BORCS5: variants seen among roughly 807,000 people sequenced by gnomAD.
BORCS5 encodes BLOC-1-related complex subunit 5.
In BORCS5, 17 loss-of-function variants were observed where a neutral mutation model predicts 22.1. That is an observed-to-expected ratio of 0.77 (90% CI 0.53 to 1.15). BORCS5 has a LOEUF of 1.15. Among genes scored for constraint, BORCS5 ranks in the 50% most tolerant of loss-of-function variants. The pLI is 0.00. For synonymous variants in BORCS5, 117 were observed against 99.8 expected (o/e 1.17, Z -1.03); for missense variants, 247 against 253.2 (o/e 0.98, Z 0.17).
intron 3 of BORCS5, among the ~76,000 whole-genome samples, chr12:12,438,371 A>AAAAAACAAAAAAAAAAAAC (rs1942602954): frequency 1.7e-5 from 2 of 117,054 alleles, no homozygotes; most frequent in African/African-American, 9.0e-5. Context: ...AAAAAAAAAA[A>AAAAAACAAAAAAAAAAAAC]AAAAAAAAAC....
intron 2 of BORCS5, among the ~76,000 whole-genome samples, chr12:12,361,907 A>G (rs1863294592): frequency 6.6e-6 from 1 of 152,156 alleles, no homozygotes; most frequent in Non-Finnish European, 1.5e-5. Flanking sequence ...ATTAGCATAT[A>G]CTGTGGTAGT....
intron 2 of BORCS5, among the ~76,000 whole-genome samples, chr12:12,409,372 TC>T (rs1307925982): frequency 2.7e-5 from 4 of 146,412 alleles, no homozygotes; most frequent in Non-Finnish European, 6.0e-5. Flanking sequence ...CCCTCCCTCC[TC>T]CCCCCACCCC....
intron 2 of BORCS5, among the ~76,000 whole-genome samples, chr12:12,365,766 C>A (rs1048214345): frequency 7.2e-5 from 11 of 152,066 alleles, no homozygotes; most frequent in African/African-American, 2.7e-4. Flanking sequence ...AGCTATTGTT[C>A]TTTCTGTTTT....
intron 3 of BORCS5, among the ~76,000 whole-genome samples, chr12:12,451,912 T>C (rs1375363940): frequency 7.6e-6 from 1 of 131,712 alleles, no homozygotes. Context: ...GCGAGACTCT[T>C]TCTCAAAAAA....
At chr12:12,432,185 T>G (rs890205436) in intron 2 of BORCS5, among the ~76,000 whole-genome samples, 5 of 152,220 alleles carry the variant, frequency 3.3e-5, no homozygotes, top group African/African-American at 1.2e-4. Context: ...GTTTTTGTAT[T>G]GTTGAATTTA....
rs1439185387 is a variant in BORCS5, at chr12:12,410,703, A to G, written c.203-24925A>G. On this transcript the variant is annotated intron_variant, in intron 2 of 3. Coordinates refer to ENST00000314565, the MANE Select transcript of BORCS5 (RefSeq NM_058169.6). ...TCTTTTGGCTTAGGATTGACTTGGC[A>G]ACACGGGCTCTTTTTTGGTTCCATA... Among the ~76,000 whole-genome samples, 95 of 152,192 alleles carry G rather than the reference A, an allele frequency of 6.2e-4. 1 individual carries two copies. The highest frequency in any genetic ancestry group is 2.0e-3 in the African/African-American group (85 of 41,488).
intron 2 of BORCS5, among the ~76,000 whole-genome samples, chr12:12,376,906 C>T (rs533020800): frequency 6.6e-6 from 1 of 152,258 alleles, no homozygotes; most frequent in East Asian, 1.9e-4. Context: ...AATAAGGCTT[C>T]CTCTGTAGCA....
chr12:12,417,131 C>A (rs563663905), intron 2 of BORCS5, among the ~76,000 whole-genome samples: 11 of 152,124 alleles, frequency 7.2e-5, no homozygotes, highest in African/African-American at 1.7e-4. Flanking sequence ...GCATTGCTTT[C>A]ACTGCATTTC....
At chr12:12,412,807 G>C (rs1941770419) in intron 2 of BORCS5, among the ~76,000 whole-genome samples, 1 of 148,442 alleles carries the variant, frequency 6.7e-6, no homozygotes, top group African/African-American at 2.5e-5. Context: ...TTCCTTGTTT[G>C]TTGAGTGTTT....
chr12:12,411,171 C>G (rs1311646216), intron 2 of BORCS5, among the ~76,000 whole-genome samples: 2 of 152,308 alleles, frequency 1.3e-5, no homozygotes, highest in African/African-American at 4.8e-5. Flanking sequence ...CATCTGCAAA[C>G]AGGGACAATT....
chr12:12,398,129 A>T (rs1185196362), intron 2 of BORCS5, among the ~76,000 whole-genome samples: 2 of 152,204 alleles, frequency 1.3e-5, no homozygotes, highest in Non-Finnish European at 2.9e-5. Flanking sequence ...CAGAAGATGC[A>T]CTAATGCATC....
intron 2 of BORCS5, among the ~76,000 whole-genome samples, chr12:12,379,901 T>C (rs560341535): frequency 1.1e-4 from 17 of 151,596 alleles, no homozygotes; most frequent in African/African-American, 2.7e-4. Context: ...GCTTTGAACA[T>C]ACCTTCCTCA....
At chr12:12,402,684 A>G (rs547347939) in intron 2 of BORCS5, among the ~76,000 whole-genome samples, 2 of 152,298 alleles carry the variant, frequency 1.3e-5, no homozygotes, top group Non-Finnish European at 2.9e-5. Flanking sequence ...CCTTTTTCCC[A>G]TAAGTCCAAA....
chr12:12,459,185 C>G (rs1034171180), intron 3 of BORCS5, among the ~76,000 whole-genome samples: 1 of 151,184 alleles, frequency 6.6e-6, no homozygotes, highest in Non-Finnish European at 1.5e-5. Context: ...CATGAGCCAC[C>G]GCACCCGGCC....
chr12:12,440,359 G>A (rs1412505512), intron 3 of BORCS5, among the ~76,000 whole-genome samples: 1 of 152,180 alleles, frequency 6.6e-6, no homozygotes, highest in Admixed American at 6.5e-5. Context: ...TGACCCCTCA[G>A]CCAGCACTGT....
chr12:12,450,916 A>G (rs116919629), intron 3 of BORCS5, among the ~76,000 whole-genome samples: 6,252 of 152,354 alleles, frequency 0.041, 162 homozygotes, highest in Non-Finnish European at 0.059. Flanking sequence ...TAGCAGCTGT[A>G]ACTGTTATAC....
At chr12:12,454,287 A>C (rs1227055258) in intron 3 of BORCS5, among the ~76,000 whole-genome samples, 2 of 152,258 alleles carry the variant, frequency 1.3e-5, no homozygotes, top group Non-Finnish European at 2.9e-5. Context: ...CCCATTTTAC[A>C]TGCTTACCAG....
In BORCS5 at chr12:12,465,873, G is replaced by C; in HGVS notation, c.*97G>C. 1 of 1,049,200 alleles carries C rather than the reference G, an allele frequency of 9.5e-7. No individual in the cohort carries two copies. The highest frequency in any genetic ancestry group is 1.4e-6 in the Non-Finnish European group (1 of 738,856). 65.0% of individuals were successfully genotyped at this position (1,049,200 alleles called of 1,614,324 possible). On this transcript the variant is annotated 3_prime_UTR_variant, in exon 4 of 4. Transcript: ENST00000314565. ...TATCATCTGACCAGGTCTGGAGGCT[G>C]GCGGGAGGCTCCCTGAAAGTGGGTG... is the stretch of plus-strand genomic sequence containing the variant.
At chr12:12,371,055 G>A (rs1265303005) in intron 2 of BORCS5, among the ~76,000 whole-genome samples, 4 of 151,838 alleles carry the variant, frequency 2.6e-5, no homozygotes, top group Non-Finnish European at 5.9e-5. Flanking sequence ...GGCCTACTGT[G>A]TCCTTTTAAC....
Sources: gnomAD v4.1 joint callset for allele counts (sites outside exome capture counted in the v4.1 genomes callset) on GRCh38, gnomAD v4.1.1 for gene constraint, MANE v1.5 for transcripts, NCBI Gene and HGNC (gene_info 2026-07-23, HGNC 2026-07-21) for gene names.